The following CRIM1 variants were observed in gnomAD, a reference collection of about 807,000 sequenced individuals.
The protein encoded by CRIM1 is cysteine rich transmembrane BMP regulator 1, also known as cysteine-rich motor neuron 1 protein.
A neutral mutation model predicts 116.4 loss-of-function variants in CRIM1; 32 were observed. The observed-to-expected ratio is 0.27, with a 90% CI of 0.21 to 0.37. CRIM1 has a LOEUF of 0.37. Among genes scored for constraint, CRIM1 ranks in the 10% least tolerant of loss-of-function variants. The pLI, the probability that CRIM1 is intolerant of heterozygous loss-of-function variation, is 1.00. For synonymous variants in CRIM1, 590 were observed against 509.2 expected, an observed-to-expected ratio of 1.16 and a Z score of -2.13; for missense variants, 1,331 against 1,354.8, an observed-to-expected ratio of 0.98 and a Z score of 0.28.
intron 16 of CRIM1, among the ~76,000 whole-genome samples, chr2:36,547,891 C>G (rs184605970): frequency 6.6e-6 from 1 of 152,310 alleles, no homozygotes; most frequent in East Asian, 1.9e-4. Flanking sequence ...TTATTTTAAT[C>G]ATAAACCTTA....
chr2:36,544,770 C>G (rs1227785464), intron 15 of CRIM1, among the ~76,000 whole-genome samples: 1 of 152,146 alleles, frequency 6.6e-6, no homozygotes, highest in African/African-American at 2.4e-5. Context: ...AAATATGTTC[C>G]TAGTCATAAG....
intron 7 of CRIM1, among the ~76,000 whole-genome samples, chr2:36,484,267 A>G (rs1028956371): frequency 1.3e-5 from 2 of 152,158 alleles, no homozygotes; most frequent in African/African-American, 2.4e-5. Context: ...GTGCCACTGC[A>G]TTTCAGTTAC....
At chr2:36,459,200 C>T (rs1274824095) in intron 4 of CRIM1, among the ~76,000 whole-genome samples, 1 of 152,098 alleles carries the variant, frequency 6.6e-6, no homozygotes, top group Non-Finnish European at 1.5e-5. Flanking sequence ...GCAGACTCTC[C>T]TGGAGAGCCT....
chr2:36,356,667 GC>G lies in CRIM1; in HGVS notation c.331+49del. ...GGCCCCCTCCCACCTGGCCTGCGCCGCCCCCTCGGCGCTGGTTGTGCCGAAC... is the reference window on the plus strand; with the variant it reads ...GGCCCCCTCCCACCTGGCCTGCGCCGCCCCTCGGCGCTGGTTGTGCCGAAC... On this transcript the variant is annotated intron_variant, in intron 1 of 16. Transcript: ENST00000280527. The surrounding 1 kb of genome is among the most constrained non-coding windows in gnomAD (Gnocchi z 4.3). The G allele has an allele frequency of 1.3e-6, 2 of 1,548,740 alleles. No individual in the cohort carries two copies. Among genetic ancestry groups the G allele is most frequent in the Non-Finnish European group, 8.7e-7 (1 of 1,145,716 alleles).
intron 2 of CRIM1, among the ~76,000 whole-genome samples, chr2:36,435,295 G>A (rs892857867): frequency 4.9e-4 from 74 of 151,972 alleles, no homozygotes; most frequent in African/African-American, 6.0e-4. Context: ...AGCTTGAACC[G>A]CCCAAGGATT....
At chr2:36,388,052 C>T (rs11124512) in intron 1 of CRIM1, among the ~76,000 whole-genome samples, 21,581 of 151,592 alleles carry the variant, frequency 0.14, 1,899 homozygotes, top group East Asian at 0.48. Flanking sequence ...GGTACTTCCA[C>T]TGTTCTTCAT....
At chr2:36,486,821 T>G (rs1432055327) in intron 7 of CRIM1, among the ~76,000 whole-genome samples, 1 of 152,204 alleles carries the variant, frequency 6.6e-6, no homozygotes, top group Non-Finnish European at 1.5e-5. Context: ...AAATATTTAG[T>G]CATTCTTGAA....
At chr2:36,366,735 T>C (rs1353498494) in intron 1 of CRIM1, among the ~76,000 whole-genome samples, 1 of 152,226 alleles carries the variant, frequency 6.6e-6, no homozygotes, top group South Asian at 2.1e-4. Context: ...TAGCTTCTTA[T>C]CCAAAGGCCA....
chr2:36,446,670 T>A (rs984326377), intron 4 of CRIM1, among the ~76,000 whole-genome samples: 4 of 152,238 alleles, frequency 2.6e-5, no homozygotes, highest in African/African-American at 9.6e-5. Flanking sequence ...TTTCCAGGCA[T>A]CCCGCCGTTT....
At chr2:36,540,798 A>G (rs184541569) in intron 14 of CRIM1, among the ~76,000 whole-genome samples, 24 of 152,328 alleles carry the variant, frequency 1.6e-4, no homozygotes, top group East Asian at 1.5e-3. Context: ...AGGCACTGCA[A>G]ATGTCCTCGG....
At chr2:36,505,917 C>T (rs548945667) in intron 8 of CRIM1, among the ~76,000 whole-genome samples, 7 of 152,208 alleles carry the variant, frequency 4.6e-5, no homozygotes, top group Admixed American at 3.9e-4. Flanking sequence ...GCTCACTGAA[C>T]GCTGTTGTCC....
At chr2:36,509,372 C>T (rs1351973696) in intron 8 of CRIM1, among the ~76,000 whole-genome samples, 1 of 152,018 alleles carries the variant, frequency 6.6e-6, no homozygotes, top group Non-Finnish European at 1.5e-5. Flanking sequence ...ACTAAAAATA[C>T]AAAAATTAGC....
At chr2:36,503,500 C>A (rs1414886101) in intron 8 of CRIM1, among the ~76,000 whole-genome samples, 2 of 152,184 alleles carry the variant, frequency 1.3e-5, no homozygotes. Context: ...TCTGAGTCGG[C>A]CCAAGCTAGC....
intron 1 of CRIM1, among the ~76,000 whole-genome samples, chr2:36,393,188 C>T (rs1228052924): frequency 6.6e-6 from 1 of 152,148 alleles, no homozygotes; most frequent in Non-Finnish European, 1.5e-5. Flanking sequence ...AGTCTTAGAG[C>T]TGAACGGGGG....
chr2:36,483,089 G>C (rs1679541961), intron 7 of CRIM1, among the ~76,000 whole-genome samples: 1 of 152,092 alleles, frequency 6.6e-6, no homozygotes, highest in African/African-American at 2.4e-5. Flanking sequence ...ACCCAATTCA[G>C]GTATACAGAT....
In CRIM1 at chr2:36,548,751, G is replaced by C. The variant is rs1157826610; in HGVS notation, c.*50G>C. ...CAAAAGACGGAAGACGACTAAATCT[G>C]CTCTAAAAAGTAAACTAGAATTTGT... is the stretch of plus-strand genomic sequence containing the variant. On this transcript the variant is annotated 3_prime_UTR_variant, in exon 17 of 17. Coordinates refer to ENST00000280527, the MANE Select transcript of CRIM1 (RefSeq NM_016441.3). 1.4e-6 allele frequency: 2 copies of C among 1,449,810 alleles called. No homozygotes were observed. The highest frequency in any genetic ancestry group is 1.4e-5 in the African/African-American group (1 of 70,124). The allele number at this position is 1,449,810 out of a possible 1,614,324, so 89.8% of individuals were successfully genotyped here.
rs145413951 is a variant in CRIM1 at position 36,397,364 on chromosome 2, A to G, written c.505+577A>G. 3.7e-3 allele frequency among the ~76,000 whole-genome samples: 566 copies of G among 152,280 alleles called. 2 individuals are homozygous for G. The highest frequency in any genetic ancestry group is 0.013 in the African/African-American group (551 of 41,558). ...TATGGCTCATAACTTTTGTACATTC[A>G]TACATACAACCAAGAAAAAACTTCA... On this transcript the variant is annotated intron_variant, in intron 2 of 16. Coordinates refer to ENST00000280527, the MANE Select transcript of CRIM1 (RefSeq NM_016441.3).
At chr2:36,426,018 A>G (rs1215522492) in intron 2 of CRIM1, among the ~76,000 whole-genome samples, 1 of 152,236 alleles carries the variant, frequency 6.6e-6, no homozygotes, top group Non-Finnish European at 1.5e-5. Flanking sequence ...ATATGTAGGA[A>G]GTCATGAACT....
chr2:36,508,063 A>C (rs1221450928), intron 8 of CRIM1, among the ~76,000 whole-genome samples: 4 of 152,196 alleles, frequency 2.6e-5, no homozygotes, highest in African/African-American at 9.6e-5. Flanking sequence ...TTCTTTTTTC[A>C]CCATTCCCTT....
Sources: allele counts gnomAD v4.1 joint callset (sites outside exome capture counted in the v4.1 genomes callset), GRCh38; gene constraint gnomAD v4.1.1; non-coding constraint Gnocchi (gnomAD v3.1); transcripts MANE v1.5; gene names NCBI Gene and HGNC (gene_info 2026-07-23, HGNC 2026-07-21).